The following CD320 variants were observed in gnomAD, a reference collection of about 807,000 sequenced individuals.
CD320 encodes the protein CD320 antigen.
CD320 carries 16 observed loss-of-function variants against 22.1 expected under a neutral mutation model. The ratio of observed to expected loss-of-function variants is 0.73; its 90% CI spans 0.49 to 1.10. The LOEUF (loss-of-function observed/expected upper bound fraction) is 1.10, where lower values mean the gene tolerates loss of function less well. Among genes scored for constraint, CD320 ranks in the 50% least tolerant of loss-of-function variants. The pLI, the probability that CD320 is intolerant of heterozygous loss-of-function variation, is 0.00. For synonymous variants in CD320, 188 were observed against 167.8 expected, an observed-to-expected ratio of 1.12 and a Z score of -0.93; for missense variants, 388 against 376.9, an observed-to-expected ratio of 1.03 and a Z score of -0.24.
Position 8,302,628 on chromosome 19 carries a change from G to A in CD320, c.707-23C>T, listed in dbSNP as rs1054069593. The A allele has an allele frequency of 5.0e-6, 8 of 1,610,892 alleles. No individual in the cohort carries two copies. The African/African-American group carries it at 9.4e-5, about 19-fold the overall frequency. ...CCGCTGTGGGGAACAGATGGACAGA[G>A]GAGTAAGGAGGGGGAAGGCAAGAGC... On this transcript the variant is annotated intron_variant, in intron 4 of 4. Coordinates refer to ENST00000301458, the MANE Select transcript of CD320 (RefSeq NM_016579.4).
In CD320 at chr19:8,308,276, C is replaced by T; in HGVS notation, c.15G>A (p.Trp5Ter). MSGG[W>*]MAQVGAWRTG... is the part of the protein sequence containing the mutation. ...TTCGCCACGCTCCAACCTGCGCCAT[C>T]CAACCGCCGCTCATGCTGTCCCCAC... Residue 5 changes from tryptophan to a stop codon, truncating the protein, a stop_gained, in exon 1 of 5, where the codon TGG becomes TGA. Transcript: ENST00000301458. LOFTEE classifies it high-confidence loss of function. The T allele has an allele frequency of 6.3e-7, 1 of 1,583,084 alleles. No individual in the cohort carries two copies.
chr19:8,308,064 A>T lies in CD320; in HGVS notation c.142+85T>A, dbSNP rs1163368414. 2.3e-6 allele frequency: 3 copies of T among 1,288,314 alleles called. No individual in the cohort carries two copies. In the Admixed American group the frequency reaches 9.3e-5, roughly 40 times the overall value. 79.8% of individuals were successfully genotyped at this position (1,288,314 alleles called of 1,614,324 possible). A position where few individuals can be genotyped will look rare whatever the true frequency, so the allele number is the denominator to read the frequency against. On this transcript the variant is annotated intron_variant, in intron 1 of 4. Transcript: ENST00000301458. ...AGTGTCATGAACTGACGTGCGGTGC[A>T]GCCAGTGACTAGGCGTTGTCGGTGC...
At chr19:8,303,060 G>C in intron 3 of CD320, 80 bp from the exon 4 acceptor site, 1 of 1,245,714 alleles carries the variant, frequency 8.0e-7, no homozygotes. Flanking sequence ...GGGAGCCCTT[G>C]GGGTTTATCC....
chr19:8,308,096 G>A, intron 1 of CD320, 53 bp downstream of exon 1: 1 of 1,418,294 alleles, frequency 7.1e-7, no homozygotes, highest in Non-Finnish European at 9.1e-7. Context: ...GTGCGCGGCG[G>A]CGGGGCGAAG....
At chr19:8,305,198 G>C (rs1224926663) in intron 1 of CD320, 42 bp from the exon 2 acceptor site, 1 of 1,555,804 alleles carries the variant, frequency 6.4e-7, no homozygotes, top group Non-Finnish European at 8.7e-7. Context: ...GCTGGAGGCT[G>C]GACCTTTCTC....
At chr19:8,304,165 A>G (rs1970053491) in intron 2 of CD320, 77 bp from the exon 3 acceptor site, 5 of 764,254 alleles carry the variant, frequency 6.5e-6, no homozygotes, top group Non-Finnish European at 1.1e-5. Flanking sequence ...CATCCCCTGC[A>G]AGCCCCACCC....
At chr19:8,304,603 A>C (rs1599622428) in intron 2 of CD320, among the ~76,000 whole-genome samples, 1 of 152,084 alleles carries the variant, frequency 6.6e-6, no homozygotes, top group Non-Finnish European at 1.5e-5. Flanking sequence ...TTGGCCTCCC[A>C]AAGTGCTGGG....
At position 8,302,898 on chromosome 19, in the gene CD320, A is replaced by G. The variant is rs1970030214; in HGVS notation, c.585T>C (p.Asn195=). 9.9e-6 allele frequency: 16 copies of G among 1,614,034 alleles called. No homozygotes were observed. The highest frequency in any genetic ancestry group is 1.3e-5 in the Non-Finnish European group (15 of 1,179,958). Residue 195 remains asparagine (N), a synonymous_variant, in exon 4 of 5, where the codon AAT becomes AAC. Transcript: ENST00000301458. The part of the protein sequence containing the change: ...VTLESVTSLR[N]ATTMGPPVTL... ...TCACAGGGGGCCCCATGGTTGTGGC[A>G]TTCCTGAGAGAGGTGACACTCTCCA...
At chr19:8,306,004 C>T (rs929183471) in intron 1 of CD320, 1 of 152,296 alleles carries the variant, frequency 6.6e-6, no homozygotes, top group Non-Finnish European at 1.5e-5. Context: ...GTCCTGTTGC[C>T]CCGCCTCCTG....
At chr19:8,307,589 C>T (rs1970110625) in intron 1 of CD320, among the ~76,000 whole-genome samples, 1 of 152,070 alleles carries the variant, frequency 6.6e-6, no homozygotes, top group Non-Finnish European at 1.5e-5. Context: ...AGGGCGAACA[C>T]GTCCACGGGG....
Position 8,308,276 on chromosome 19 carries a change from C to A in CD320, c.15G>T (p.Trp5Cys). 1 of 1,583,084 alleles carries A rather than the reference C, an allele frequency of 6.3e-7. No individual in the cohort carries two copies. Residue 5 changes from tryptophan (W) to cysteine (C), a missense_variant, in exon 1 of 5, where the codon TGG (tryptophan) becomes TGT (cysteine). Transcript: ENST00000301458. MSGG[W>C]MAQVGAWRTG... ...TTCGCCACGCTCCAACCTGCGCCATCCAACCGCCGCTCATGCTGTCCCCAC... is the reference window on the plus strand; with the variant it reads ...TTCGCCACGCTCCAACCTGCGCCATACAACCGCCGCTCATGCTGTCCCCAC...
rs1471048797 is a variant in CD320 at position 8,305,169 on chromosome 19, T to C, written c.143-13A>G. 6.3e-7 allele frequency: 1 copy of C among 1,587,612 alleles called. No individual in the cohort carries two copies. The highest frequency in any genetic ancestry group is 1.8e-5 in the Admixed American group (1 of 55,500). On this transcript the variant is annotated splice_polypyrimidine_tract_variant and intron_variant, in intron 1 of 4. Coordinates refer to ENST00000301458, the MANE Select transcript of CD320 (RefSeq NM_016579.4). ...CCTGAGCTGGGGCCTGCGAGATGGA[T>C]GCAAATGAAGCCTGGGAAGCTGGAG...
Position 8,308,184 on chromosome 19 carries a change from C to T in CD320, c.107G>A (p.Ser36Asn), listed in dbSNP as rs1044489935. 1.3e-6 allele frequency: 2 copies of T among 1,557,168 alleles called. No individual in the cohort carries two copies. Among genetic ancestry groups the T allele is most frequent in the Non-Finnish European group, 1.7e-6 (2 of 1,159,278 alleles). Residue 36 changes from serine to asparagine, a missense_variant, in exon 1 of 5, where the codon AGC (serine) becomes AAC (asparagine). Transcript: ENST00000301458. ...GGCAGAGGTCGGGGTGGAAAGCGGG[C>T]TCGCGGCGGCCTCCAGGCCTAGTCC... ...GLGLGLEAAA[S>N]PLSTPTSAQA... is the part of the protein sequence containing the mutation.
chr19:8,305,124 A>G lies in CD320; in HGVS notation c.175T>C (p.Phe59Leu). 1 of 1,612,608 alleles carries G rather than the reference A, an allele frequency of 6.2e-7. No individual in the cohort carries two copies. The highest frequency in any genetic ancestry group is 1.3e-5 in the African/African-American group (1 of 75,032). Residue 59 changes from phenylalanine (F) to leucine (L), a missense_variant, in exon 2 of 5, where the codon TTC (phenylalanine) becomes CTC (leucine). Phe to Leu is a conservative substitution (Grantham distance 22). Transcript: ENST00000301458. ...PSSGSCPPTK[F>L]QCRTSGLCVP... Reference sequence around the variant, plus strand: ...CATAAGCCACTGGTGCGGCACTGGAACTTGGTGGGTGGGCACGAGCCTGAG... The same window carrying G: ...CATAAGCCACTGGTGCGGCACTGGAGCTTGGTGGGTGGGCACGAGCCTGAG...
At position 8,302,623 on chromosome 19, in the gene CD320, A is replaced by T. The variant is rs1286634001; in HGVS notation, c.707-18T>A. 1 of 1,611,972 alleles carries T rather than the reference A, an allele frequency of 6.2e-7. No individual in the cohort carries two copies. Among genetic ancestry groups the T allele is most frequent in the Non-Finnish European group, 8.5e-7 (1 of 1,178,746 alleles). ...GAGCACCGCTGTGGGGAACAGATGG[A>T]CAGAGGAGTAAGGAGGGGGAAGGCA... On this transcript the variant is annotated intron_variant, in intron 4 of 4. Transcript: ENST00000301458.
In CD320 at chr19:8,307,095, C is replaced by T. The variant is rs569364565; in HGVS notation, c.142+1054G>A. 4.3e-3 allele frequency among the ~76,000 whole-genome samples: 659 copies of T among 152,072 alleles called. 2 individuals are homozygous for T. The highest frequency in any genetic ancestry group is 7.8e-3 in the Admixed American group (119 of 15,258). On this transcript the variant is annotated intron_variant, in intron 1 of 4. Coordinates refer to ENST00000301458, the MANE Select transcript of CD320 (RefSeq NM_016579.4). ...ACACTTGAGGTCAGGAGTTCGAGAC[C>T]AGTCTGGCCAACATGGTGAAACCCC... is the stretch of plus-strand genomic sequence containing the variant.
Position 8,308,187 on chromosome 19 carries a change from G to A in CD320, c.104C>T (p.Ala35Val). 1 of 1,558,332 alleles carries A rather than the reference G, an allele frequency of 6.4e-7. No homozygotes were observed. The highest frequency in any genetic ancestry group is 8.6e-7 in the Non-Finnish European group (1 of 1,159,874). Residue 35 changes from alanine to valine, a missense_variant, in exon 1 of 5, where the codon GCG (alanine) becomes GTG (valine). By Grantham distance (64) the Ala-to-Val change is moderately conservative. Transcript: ENST00000301458. ...LGLGLGLEAAASPLSTPTSAQ... is the reference protein window; with the variant it reads ...LGLGLGLEAAVSPLSTPTSAQ... ...AGAGGTCGGGGTGGAAAGCGGGCTC[G>A]CGGCGGCCTCCAGGCCTAGTCCGAG...
At position 8,308,342 on chromosome 19, in the gene CD320, C is replaced by T; in HGVS notation, c.-52G>A. 3.2e-6 allele frequency: 5 copies of T among 1,562,464 alleles called. No individual in the cohort carries two copies. The highest frequency in any genetic ancestry group is 1.2e-5 in the South Asian group (1 of 86,514). On this transcript the variant is annotated 5_prime_UTR_variant, in exon 1 of 5. Coordinates refer to ENST00000301458, the MANE Select transcript of CD320 (RefSeq NM_016579.4). The stretch of plus-strand genomic sequence containing the variant: ...GCGCTGTCCAGACCGCTCTCTTATC[C>T]CTGCGCACGCGCACGCGCGGGGTTG...
At position 8,305,167 on chromosome 19, in the gene CD320, G is replaced by A. The variant is rs116345590; in HGVS notation, c.143-11C>T. 5.7e-4 allele frequency: 901 copies of A among 1,588,864 alleles called. 6 individuals are homozygous for A. In the African/African-American group the frequency reaches 9.9e-3, roughly 18 times the overall value. ...AGCCTGAGCTGGGGCCTGCGAGATG[G>A]ATGCAAATGAAGCCTGGGAAGCTGG... On this transcript the variant is annotated splice_polypyrimidine_tract_variant and intron_variant, in intron 1 of 4. Transcript: ENST00000301458.
Sources: gnomAD v4.1 joint callset for allele counts (sites outside exome capture counted in the v4.1 genomes callset) on GRCh38, gnomAD v4.1.1 for gene constraint, MANE v1.5 for transcripts, NCBI Gene and HGNC (gene_info 2026-07-23, HGNC 2026-07-21) for gene names.